The following DLC1 variants were observed in gnomAD, a reference collection of about 807,000 sequenced individuals.
The protein encoded by DLC1 is DLC1 Rho GTPase activating protein.
A neutral mutation model predicts 140.3 loss-of-function variants in DLC1; 54 were observed. The ratio of observed to expected loss-of-function variants is 0.38; its 90% CI spans 0.31 to 0.48. DLC1 has a LOEUF of 0.48. Ranked by LOEUF, DLC1 falls within the 20% of genes least tolerant of loss-of-function variation. DLC1 has a pLI of 0.96. For missense variants in DLC1, 2,536 were observed against 1,907.0 expected, an observed-to-expected ratio of 1.33 and a Z score of -6.14; for synonymous variants, 986 against 728.1, an observed-to-expected ratio of 1.35 and a Z score of -5.70.
At chr8:13,156,051 C>T (rs2128981220) in intron 5 of DLC1, among the ~76,000 whole-genome samples, 1 of 152,188 alleles carries the variant, frequency 6.6e-6, no homozygotes, top group South Asian at 2.1e-4. Context: ...ACAAATGTGA[C>T]AATTTATTTT....
Position 13,415,256 on chromosome 8 carries a change from T to C in DLC1, c.1024-13637A>G, listed in dbSNP as rs886478629. Among the ~76,000 whole-genome samples the C allele has an allele frequency of 2.4e-4, 36 of 152,208 alleles. 1 individual carries two copies. The highest frequency in any genetic ancestry group is 3.5e-4 in the Non-Finnish European group (24 of 68,038). Reference sequence around the variant, plus strand: ...AATTAAATAAATCACTATTTGCTAGTGATTTAAGTAAATACATTTTGAAAT... The same window carrying C: ...AATTAAATAAATCACTATTTGCTAGCGATTTAAGTAAATACATTTTGAAAT... On this transcript the variant is annotated intron_variant, in intron 2 of 17. Coordinates refer to ENST00000276297, the MANE Select transcript of DLC1 (RefSeq NM_182643.3).
intron 5 of DLC1, among the ~76,000 whole-genome samples, chr8:13,140,807 T>G (rs1822924430): frequency 6.6e-6 from 1 of 152,212 alleles, no homozygotes; most frequent in Non-Finnish European, 1.5e-5. Context: ...GACACAAATT[T>G]AATTTACAAA....
chr8:13,584,899 T>A (rs1218743259), intron 1 of DLC1, among the ~76,000 whole-genome samples: 1 of 152,178 alleles, frequency 6.6e-6, no homozygotes. Flanking sequence ...CACTGTCTAT[T>A]ATTTTCCTCC....
intron 6 of DLC1, among the ~76,000 whole-genome samples, chr8:13,114,023 A>G (rs1458521254): frequency 6.6e-6 from 1 of 152,242 alleles, no homozygotes; most frequent in Non-Finnish European, 1.5e-5. Flanking sequence ...AGCTGTAATT[A>G]TTTTAAATTG....
At chr8:13,535,103 C>T (rs1437948053) in intron 1 of DLC1, among the ~76,000 whole-genome samples, 8 of 152,284 alleles carry the variant, frequency 5.3e-5, no homozygotes, top group Admixed American at 3.9e-4. Context: ...AAAGTTCCTT[C>T]CCCTTTGCAG....
intron 2 of DLC1, among the ~76,000 whole-genome samples, chr8:13,452,070 A>G (rs539030186): frequency 2.0e-5 from 3 of 152,224 alleles, no homozygotes; most frequent in Admixed American, 1.3e-4. Context: ...TGCATTTGAC[A>G]TCCAATTTTA....
intron 5 of DLC1, among the ~76,000 whole-genome samples, chr8:13,236,489 A>G (rs1032420852): frequency 6.6e-5 from 10 of 152,152 alleles, no homozygotes; most frequent in Admixed American, 4.6e-4. Flanking sequence ...TTGTCCATAT[A>G]GTCGTTTTAC....
At chr8:13,589,990 T>C (rs1427288683) in intron 1 of DLC1, among the ~76,000 whole-genome samples, 6 of 151,562 alleles carry the variant, frequency 4.0e-5, no homozygotes, top group Non-Finnish European at 8.8e-5. Flanking sequence ...ATTTTCAAAA[T>C]TTCAACAGCG....
chr8:13,179,448 C>T (rs564893447), intron 5 of DLC1, among the ~76,000 whole-genome samples: 21 of 152,168 alleles, frequency 1.4e-4, no homozygotes, highest in Middle Eastern at 3.4e-3. Context: ...TGGCTGATTG[C>T]GGAGGCTCAC....
At chr8:13,545,730 A>T (rs1484001412) in intron 1 of DLC1, among the ~76,000 whole-genome samples, 1 of 152,110 alleles carries the variant, frequency 6.6e-6, no homozygotes, top group African/African-American at 2.4e-5. Context: ...ATTTGTGCTA[A>T]GATAAATGAC....
chr8:13,399,227 C>A (rs1416666703), intron 3 of DLC1, among the ~76,000 whole-genome samples: 5 of 152,166 alleles, frequency 3.3e-5, no homozygotes, highest in African/African-American at 1.2e-4. Flanking sequence ...CATGCTCTGA[C>A]TGTCTGACAA....
chr8:13,265,629 C>T (rs1206893902), intron 5 of DLC1, among the ~76,000 whole-genome samples: 3 of 152,030 alleles, frequency 2.0e-5, no homozygotes, highest in Non-Finnish European at 4.4e-5. Context: ...CCATCATCTT[C>T]CTGCAAATGT....
chr8:13,402,578 T>C (rs182433632), intron 2 of DLC1, among the ~76,000 whole-genome samples: 1 of 152,212 alleles, frequency 6.6e-6, no homozygotes, highest in African/African-American at 2.4e-5. Flanking sequence ...GTTGCCATCC[T>C]CTCCATCTGT....
chr8:13,285,713 G>T (rs951555496), intron 5 of DLC1, among the ~76,000 whole-genome samples: 3 of 151,998 alleles, frequency 2.0e-5, no homozygotes, highest in Non-Finnish European at 4.4e-5. Flanking sequence ...AATGTAAAAT[G>T]GTTTAAGCCA....
intron 1 of DLC1, among the ~76,000 whole-genome samples, chr8:13,525,754 C>G (rs542006117): frequency 6.6e-5 from 10 of 152,260 alleles, no homozygotes; most frequent in Admixed American, 1.3e-4. Context: ...AATATTTCTT[C>G]TAGTCTAGCT....
chr8:13,422,760 G>C (rs1329506892), intron 2 of DLC1, among the ~76,000 whole-genome samples: 2 of 151,578 alleles, frequency 1.3e-5, no homozygotes, highest in Non-Finnish European at 1.5e-5. Context: ...TTAAGGAGTT[G>C]ATACTACATC....
At chr8:13,526,838 G>A (rs1013377955) in intron 1 of DLC1, among the ~76,000 whole-genome samples, 15 of 152,088 alleles carry the variant, frequency 9.9e-5, no homozygotes, top group African/African-American at 3.6e-4. Flanking sequence ...GAGTTAACGG[G>A]TGCAGCACAC....
At chr8:13,490,766 A>G (rs1801197294) in intron 2 of DLC1, among the ~76,000 whole-genome samples, 1 of 152,046 alleles carries the variant, frequency 6.6e-6, no homozygotes, top group African/African-American at 2.4e-5. Context: ...TAACATCATA[A>G]AAGTGTATTA....
At chr8:13,427,782 C>A (rs907661483) in intron 2 of DLC1, among the ~76,000 whole-genome samples, 1 of 152,196 alleles carries the variant, frequency 6.6e-6, no homozygotes, top group African/African-American at 2.4e-5. Context: ...AATCTTAAAC[C>A]TTTACATTGC....
Sources: gnomAD v4.1 joint callset for allele counts (sites outside exome capture counted in the v4.1 genomes callset) on GRCh38, gnomAD v4.1.1 for gene constraint, MANE v1.5 for transcripts, NCBI Gene and HGNC (gene_info 2026-07-23, HGNC 2026-07-21) for gene names.